The following GABRR3 variants were observed in gnomAD, a reference collection of about 807,000 sequenced individuals.
GABRR3 encodes gamma-aminobutyric acid receptor subunit rho-3.
In GABRR3, 29 loss-of-function variants were observed where a neutral mutation model predicts 43.2. The observed-to-expected ratio is 0.67, with a 90% confidence interval of 0.50 to 0.92. The LOEUF (loss-of-function observed/expected upper bound fraction) is 0.92, where lower values mean the gene tolerates loss of function less well. Ranked by LOEUF, GABRR3 falls within the 40% of genes least tolerant of loss-of-function variation. The probability of loss-of-function intolerance (pLI) is 0.00; values close to 1 mark genes in which losing one functional copy is unlikely to be tolerated. For synonymous variants in GABRR3, 206 were observed against 195.9 expected (o/e 1.05, Z -0.43); for missense variants, 576 against 572.3 (o/e 1.01, Z -0.07).
exon 2 of GABRR3, chr3:98,034,909 T>C: frequency 6.2e-7 from 1 of 1,613,220 alleles, no homozygotes; most frequent in Non-Finnish European, 8.5e-7. Flanking sequence ...GTCATCTTGA[T>C]GTTAGAAGCA....
intron 8 of GABRR3, among the ~76,000 whole-genome samples, chr3:97,994,585 G>A (rs1045466164): frequency 6.6e-6 from 1 of 152,154 alleles, no homozygotes; most frequent in Non-Finnish European, 1.5e-5. Flanking sequence ...TAAACATGAA[G>A]CAAAGAGTGA....
At chr3:98,019,450 G>A (rs922523861) in intron 3 of GABRR3, among the ~76,000 whole-genome samples, 2 of 152,154 alleles carry the variant, frequency 1.3e-5, no homozygotes, top group South Asian at 4.2e-4. Flanking sequence ...TTACTTTCAA[G>A]GGTTTCAGGT....
intron 9 of GABRR3, among the ~76,000 whole-genome samples, chr3:97,991,236 A>T (rs1275734640): frequency 6.6e-6 from 1 of 152,216 alleles, no homozygotes; most frequent in Non-Finnish European, 1.5e-5. Flanking sequence ...TTCCCTCCTT[A>T]CACATTTTTC....
chr3:98,024,582 C>T (rs1706989590), intron 3 of GABRR3, among the ~76,000 whole-genome samples: 1 of 152,142 alleles, frequency 6.6e-6, no homozygotes, highest in East Asian at 1.9e-4. Flanking sequence ...GTATCCCCCG[C>T]CCTGAACACT....
chr3:98,012,478 A>G (rs1412002162), exon 5 of GABRR3: 1 of 1,613,994 alleles, frequency 6.2e-7, no homozygotes, highest in Admixed American at 1.7e-5. Flanking sequence ...TCAATCTATG[A>G]TCAAATGTCA....
At chr3:98,007,738 T>G (rs771213986) in intron 7 of GABRR3, 26 bp downstream of exon 7, 31 of 1,612,304 alleles carry the variant, frequency 1.9e-5, no homozygotes, top group Middle Eastern at 1.7e-4. Context: ...TAAATGCTGA[T>G]GAATCACCCA....
At chr3:98,034,267 T>C (rs1188261611) in intron 2 of GABRR3, among the ~76,000 whole-genome samples, 2 of 152,130 alleles carry the variant, frequency 1.3e-5, no homozygotes, top group East Asian at 1.9e-4. Context: ...CAAATTGGTG[T>C]ATAAAGAGGT....
chr3:98,001,903 G>T, intron 7 of GABRR3, 136 bp from the exon 8 acceptor site: 1 of 805,522 alleles, frequency 1.2e-6, no homozygotes, highest in Non-Finnish European at 2.0e-6. Flanking sequence ...ATTTAGTTGG[G>T]CCTGGCACTC....
chr3:98,034,769 A>G (rs1050959086), intron 2 of GABRR3, 94 bp downstream of exon 2: 3 of 1,456,070 alleles, frequency 2.1e-6, no homozygotes, highest in Non-Finnish European at 2.8e-6. Flanking sequence ...ATGTGCTACC[A>G]TTAAAGATAC....
At chr3:97,989,524 T>C (rs1706435501) in intron 9 of GABRR3, among the ~76,000 whole-genome samples, 1 of 151,482 alleles carries the variant, frequency 6.6e-6, no homozygotes, top group African/African-American at 2.4e-5. Context: ...TGGTGGATGG[T>C]AGTAGTAATG....
chr3:98,004,879 G>C (rs1487492716), intron 7 of GABRR3, among the ~76,000 whole-genome samples: 1 of 151,840 alleles, frequency 6.6e-6, no homozygotes, highest in African/African-American at 2.4e-5. Context: ...TATTTAAACA[G>C]GAAACTAGTC....
rs1268875711 is a variant in GABRR3 at position 98,017,652 on chromosome 3, T to C, written c.306+3A>G. 6.2e-7 allele frequency: 1 copy of C among 1,605,340 alleles called. No homozygotes were observed. Among genetic ancestry groups the C allele is most frequent in the Non-Finnish European group, 8.5e-7 (1 of 1,174,496 alleles). ...AAGAGCAATATCCCATGAAGAAACT[T>C]ACCATGTTAGTCTCTGAAATGCTGT... On this transcript the variant is annotated splice_donor_region_variant and intron_variant, in intron 4 of 9. Coordinates refer to ENST00000621172, the Ensembl canonical transcript of GABRR3.
At chr3:98,025,606 T>C (rs1465232440) in exon 3 of GABRR3, 5 of 1,613,020 alleles carry the variant, frequency 3.1e-6, no homozygotes, top group Non-Finnish European at 4.2e-6. Context: ...TTGTCCTCTA[T>C]ATGGAGAAGT....
At chr3:98,000,934 T>A (rs1706631070) in intron 8 of GABRR3, 1 of 152,166 alleles carries the variant, frequency 6.6e-6, no homozygotes. Flanking sequence ...ATGGTTCCCA[T>A]AAATCAGTGT....
exon 5 of GABRR3, chr3:98,012,355 G>A: frequency 6.2e-7 from 1 of 1,613,614 alleles, no homozygotes; most frequent in South Asian, 1.1e-5. Context: ...TGAGACTTAG[G>A]AGGACGTTTC....
intron 3 of GABRR3, among the ~76,000 whole-genome samples, chr3:98,018,176 A>G (rs1706897133): frequency 6.6e-6 from 1 of 152,154 alleles, no homozygotes; most frequent in Non-Finnish European, 1.5e-5. Flanking sequence ...GACGTGGGCA[A>G]TGTTGGGACC....
chr3:98,017,730 A>G lies in GABRR3; in HGVS notation c.239-8T>C. 1 of 1,593,374 alleles carries G rather than the reference A, an allele frequency of 6.3e-7. No individual in the cohort carries two copies. The highest frequency in any genetic ancestry group is 8.6e-7 in the Non-Finnish European group (1 of 1,163,510). ...CTACTGGCACTGGAGACCCTTAAGA[A>G]AGAAGAATGGTTAATATGCTGAGGA... On this transcript the variant is annotated splice_polypyrimidine_tract_variant and splice_region_variant and intron_variant, in intron 3 of 9. Coordinates refer to ENST00000621172, the Ensembl canonical transcript of GABRR3.
intron 4 of GABRR3, among the ~76,000 whole-genome samples, chr3:98,015,963 G>A (rs1559778985): frequency 6.6e-6 from 1 of 152,140 alleles, no homozygotes; most frequent in South Asian, 2.1e-4. Flanking sequence ...CATGGCTGGG[G>A]AGGCCTCACG....
At chr3:97,994,432 C>G (rs1462986248) in intron 8 of GABRR3, among the ~76,000 whole-genome samples, 1 of 152,178 alleles carries the variant, frequency 6.6e-6, no homozygotes, top group Non-Finnish European at 1.5e-5. Flanking sequence ...AATAAGAAAC[C>G]TAAATGCTAT....
Sources: gnomAD v4.1 joint callset for allele counts (sites outside exome capture counted in the v4.1 genomes callset) on GRCh38, gnomAD v4.1.1 for gene constraint, MANE v1.5 for transcripts, NCBI Gene and HGNC (gene_info 2026-07-23, HGNC 2026-07-21) for gene names.